The following LUZP2 variants were observed in gnomAD, a reference collection of about 807,000 sequenced individuals.
LUZP2 encodes leucine zipper protein 2.
In LUZP2, 52 loss-of-function variants were observed where a neutral mutation model predicts 51.6. The observed-to-expected ratio is 1.01, with a 90% CI of 0.81 to 1.27. The LOEUF (loss-of-function observed/expected upper bound fraction) is 1.27, where lower values mean the gene tolerates loss of function less well. Among genes scored for constraint, LUZP2 ranks in the 50% most tolerant of loss-of-function variants. The pLI is 0.00. For synonymous variants in LUZP2, 154 were observed against 137.3 expected (o/e 1.12, Z -0.85); for missense variants, 436 against 395.4 (o/e 1.10, Z -0.87).
At chr11:24,869,279 T>G (rs1851985746) in intron 5 of LUZP2, among the ~76,000 whole-genome samples, 1 of 152,146 alleles carries the variant, frequency 6.6e-6, no homozygotes, top group African/African-American at 2.4e-5. Context: ...AGCCTCGTTT[T>G]ATTGCACTTA....
chr11:24,763,239 T>C lies in LUZP2; in HGVS notation c.334-7T>C, dbSNP rs1391361489. On this transcript the variant is annotated splice_polypyrimidine_tract_variant and splice_region_variant and intron_variant, in intron 4 of 11. Coordinates refer to ENST00000336930, the MANE Select transcript of LUZP2 (RefSeq NM_001009909.4). ...ATGTGTCTACATAATAGTCTATTCATTTTCAGATTAATTTTTTAAAGACTG... is the reference window on the plus strand; with the variant it reads ...ATGTGTCTACATAATAGTCTATTCACTTTCAGATTAATTTTTTAAAGACTG... 7.6e-7 allele frequency: 1 copy of C among 1,320,836 alleles called. No homozygotes were observed. Among genetic ancestry groups the C allele is most frequent in the Non-Finnish European group, 1.0e-6 (1 of 982,972 alleles). The allele number at this position is 1,320,836 out of a possible 1,614,324, so 81.8% of individuals were successfully genotyped here.
At chr11:24,664,137 G>C (rs1259666090) in intron 1 of LUZP2, among the ~76,000 whole-genome samples, 2 of 151,754 alleles carry the variant, frequency 1.3e-5, no homozygotes, top group Non-Finnish European at 2.9e-5. Context: ...CAGAACACAG[G>C]AAAATGTGGG....
chr11:24,625,641 T>C (rs189012494), intron 1 of LUZP2, among the ~76,000 whole-genome samples: 31 of 151,834 alleles, frequency 2.0e-4, no homozygotes, highest in African/African-American at 7.0e-4. Context: ...TTTGCTGAGG[T>C]GAAGAAGAAA....
intron 10 of LUZP2, 86 bp from the exon 11 acceptor site, chr11:25,077,243 G>T (rs957176631): frequency 8.1e-6 from 8 of 989,116 alleles, no homozygotes; most frequent in Non-Finnish European, 1.6e-6. Flanking sequence ...TTCTCAACAG[G>T]AAGAATTCAA....
chr11:24,852,190 G>A (rs1851417478), intron 5 of LUZP2, among the ~76,000 whole-genome samples: 1 of 151,932 alleles, frequency 6.6e-6, no homozygotes, highest in Non-Finnish European at 1.5e-5. Context: ...TCTTTTCATT[G>A]TGATGTTAGG....
chr11:24,551,518 C>T (rs374051289), intron 1 of LUZP2, among the ~76,000 whole-genome samples: 2 of 151,852 alleles, frequency 1.3e-5, no homozygotes, highest in East Asian at 1.9e-4. Flanking sequence ...AATTAGATTA[C>T]GGTAATGGTT....
At chr11:24,624,759 G>A (rs1345122025) in intron 1 of LUZP2, among the ~76,000 whole-genome samples, 1 of 152,102 alleles carries the variant, frequency 6.6e-6, no homozygotes, top group Non-Finnish European at 1.5e-5. Context: ...TTCTCTCTGA[G>A]CTCCATATGT....
At chr11:24,659,252 T>C (rs778730416) in intron 1 of LUZP2, among the ~76,000 whole-genome samples, 1 of 152,168 alleles carries the variant, frequency 6.6e-6, no homozygotes, top group African/African-American at 2.4e-5. Context: ...TAAAAAATGA[T>C]GAGTTCATGT....
chr11:24,617,196 T>A (rs1387220223), intron 1 of LUZP2, among the ~76,000 whole-genome samples: 1 of 149,786 alleles, frequency 6.7e-6, no homozygotes, highest in Non-Finnish European at 1.5e-5. Context: ...ATAATTTCTA[T>A]CAATCTTCAT....
intron 10 of LUZP2, among the ~76,000 whole-genome samples, chr11:25,053,105 C>A (rs1439289650): frequency 6.6e-6 from 1 of 151,992 alleles, no homozygotes; most frequent in Non-Finnish European, 1.5e-5. Context: ...TAGGCAATCA[C>A]AGAAACAATT....
intron 1 of LUZP2, among the ~76,000 whole-genome samples, chr11:24,509,086 C>T (rs1040444402): frequency 5.3e-5 from 8 of 152,128 alleles, no homozygotes; most frequent in Non-Finnish European, 1.2e-4. Flanking sequence ...GCGACATGTG[C>T]GATGAGTGAG....
At chr11:24,606,762 C>A (rs1414675365) in intron 1 of LUZP2, among the ~76,000 whole-genome samples, 1 of 151,988 alleles carries the variant, frequency 6.6e-6, no homozygotes, top group Non-Finnish European at 1.5e-5. Context: ...GTTTACACTT[C>A]CATCAACAAT....
chr11:24,624,624 T>C (rs975422329), intron 1 of LUZP2, among the ~76,000 whole-genome samples: 2 of 152,108 alleles, frequency 1.3e-5, no homozygotes, highest in African/African-American at 4.8e-5. Context: ...GTGGATTATA[T>C]GGTTCTAAGT....
intron 1 of LUZP2, among the ~76,000 whole-genome samples, chr11:24,523,638 G>C (rs1368843007): frequency 6.6e-6 from 1 of 151,214 alleles, no homozygotes; most frequent in African/African-American, 2.4e-5. Context: ...TCTAAATCAA[G>C]ATCCTGGTAA....
chr11:24,497,351 G>C (rs1306647817), intron 1 of LUZP2, 46 bp downstream of exon 1: 2 of 1,423,596 alleles, frequency 1.4e-6, no homozygotes, highest in South Asian at 2.9e-5. Flanking sequence ...GCGCTGCCGG[G>C]GCGAGGTTGG....
At chr11:24,734,470 G>A (rs1021175463) in intron 3 of LUZP2, among the ~76,000 whole-genome samples, 1 of 151,876 alleles carries the variant, frequency 6.6e-6, no homozygotes, top group Non-Finnish European at 1.5e-5. Context: ...CTTTCAAAGA[G>A]AGGGTAAAAT....
At chr11:24,940,690 A>G (rs1266202880) in intron 7 of LUZP2, among the ~76,000 whole-genome samples, 1 of 152,206 alleles carries the variant, frequency 6.6e-6, no homozygotes, top group African/African-American at 2.4e-5. Flanking sequence ...TTGTTCAAAC[A>G]AAAGAGACAA....
intron 8 of LUZP2, among the ~76,000 whole-genome samples, chr11:24,978,486 C>T (rs909158516): frequency 1.3e-5 from 2 of 151,662 alleles, no homozygotes; most frequent in Non-Finnish European, 3.0e-5. Context: ...AGTTGTTACC[C>T]TCTCTGGTTC....
At chr11:24,608,548 G>A (rs1164819738) in intron 1 of LUZP2, among the ~76,000 whole-genome samples, 1 of 152,078 alleles carries the variant, frequency 6.6e-6, no homozygotes, top group Non-Finnish European at 1.5e-5. Context: ...AAAGACATAA[G>A]AGAAGTAAGA....
Sources: gnomAD v4.1 joint callset for allele counts (sites outside exome capture counted in the v4.1 genomes callset) on GRCh38, gnomAD v4.1.1 for gene constraint, MANE v1.5 for transcripts, NCBI Gene and HGNC (gene_info 2026-07-23, HGNC 2026-07-21) for gene names.